Variants in CCDC146 observed in about 807,000 individuals in gnomAD.
CCDC146 encodes the protein coiled-coil domain containing 146, also known as coiled-coil domain-containing protein 146.
In CCDC146, 92 loss-of-function variants were observed where a neutral mutation model predicts 119.3. The observed-to-expected ratio is 0.77, with a 90% CI of 0.65 to 0.92. CCDC146 has a LOEUF of 0.92. Among genes scored for constraint, CCDC146 ranks in the 40% least tolerant of loss-of-function variants. The pLI is 0.00. For synonymous variants in CCDC146, 372 were observed against 371.8 expected (o/e 1.00, Z -0.01); for missense variants, 1,000 against 1,103.0 (o/e 0.91, Z 1.32).
At chr7:77,203,798 G>C (rs896150232) in intron 2 of CCDC146, among the ~76,000 whole-genome samples, 1 of 152,128 alleles carries the variant, frequency 6.6e-6, no homozygotes, top group African/African-American at 2.4e-5. Context: ...CTCACTTACA[G>C]ACTTGTTTTT....
intron 2 of CCDC146, among the ~76,000 whole-genome samples, chr7:77,235,649 G>A (rs925226259): frequency 6.6e-6 from 1 of 152,154 alleles, no homozygotes; most frequent in Non-Finnish European, 1.5e-5. Flanking sequence ...ACATAACCTT[G>A]TCTGATTTTT....
chr7:77,294,727 C>G lies in CCDC146; in HGVS notation c.2729C>G (p.Pro910Arg). The change falls in exon 19 of 19, where the codon CCG becomes CGG. Residue 910 changes from proline (P) to arginine (R), a missense_variant. By Grantham distance (103) the Pro-to-Arg change is moderately radical (BLOSUM62 -2). Around this residue, in one of 2 missense-constraint regions of CCDC146, gnomAD observed 985 missense variants for 1,045.3 expected, o/e 0.94. Coordinates refer to ENST00000285871, the MANE Select transcript of CCDC146 (RefSeq NM_020879.3). ...GTTTACACAACTGCAGAGCAGCGTC[C>G]GAATGCCTACATCCCAGAAGCAGAT... Reference protein sequence around the residue: ...NGVYTTAEQRPNAYIPEADAT... With the variant: ...NGVYTTAEQRRNAYIPEADAT... The G allele has an allele frequency of 6.2e-7, 1 of 1,614,122 alleles. No individual in the cohort carries two copies. The highest frequency in any genetic ancestry group is 8.5e-7 in the Non-Finnish European group (1 of 1,180,006).
chr7:77,237,983 C>T (rs147123615), intron 3 of CCDC146, among the ~76,000 whole-genome samples: 139 of 152,308 alleles, frequency 9.1e-4, no homozygotes, highest in African/African-American at 2.7e-3. Context: ...ATCCTCTCCC[C>T]GCAATTCCCA....
intron 4 of CCDC146, among the ~76,000 whole-genome samples, chr7:77,247,181 TAA>T (rs1218663893): frequency 1.3e-5 from 2 of 152,134 alleles, no homozygotes; most frequent in African/African-American, 2.4e-5. Flanking sequence ...TTAGAGGAAA[TAA>T]GTCAGTATTT....
chr7:77,196,716 T>A lies in CCDC146; in HGVS notation c.156+28892T>A. ...TCTATTCTCAGAATCATTTCCTTAC[T>A]CTTGGTCAGAAGATGAATTTTATCG... On this transcript the variant is annotated intron_variant, in intron 2 of 18. Transcript: ENST00000285871. The surrounding 1 kb of genome is among the most constrained non-coding windows in gnomAD (Gnocchi z 4.2). 1 of 1,614,178 alleles carries A rather than the reference T, an allele frequency of 6.2e-7. No homozygotes were observed. The highest frequency in any genetic ancestry group is 8.5e-7 in the Non-Finnish European group (1 of 1,179,998).
intron 2 of CCDC146, among the ~76,000 whole-genome samples, chr7:77,205,080 GCTT>G (rs750277072): frequency 4.6e-5 from 7 of 152,176 alleles, no homozygotes; most frequent in African/African-American, 4.8e-5. Flanking sequence ...TTGATCTTAA[GCTT>G]CTTCTTATAA....
At chr7:77,269,676 C>T (rs932045290) in intron 9 of CCDC146, among the ~76,000 whole-genome samples, 6 of 152,146 alleles carry the variant, frequency 3.9e-5, no homozygotes, top group African/African-American at 1.4e-4. Flanking sequence ...GCTATTAAGT[C>T]CACAAAATAG....
At chr7:77,214,546 A>G (rs1211745358) in intron 2 of CCDC146, among the ~76,000 whole-genome samples, 2 of 152,070 alleles carry the variant, frequency 1.3e-5, no homozygotes, top group South Asian at 2.1e-4. Context: ...GTTTTCTTTT[A>G]GGATTTATAT....
chr7:77,266,916 G>A (rs1562854702), intron 9 of CCDC146, among the ~76,000 whole-genome samples: 1 of 151,858 alleles, frequency 6.6e-6, no homozygotes, highest in Non-Finnish European at 1.5e-5. Flanking sequence ...TACTCTAAAA[G>A]CAAACAGGTT....
intron 1 of CCDC146, among the ~76,000 whole-genome samples, chr7:77,140,816 G>GTTGATATATTGATATCAATA (rs1790921756): frequency 6.6e-6 from 1 of 151,976 alleles, no homozygotes; most frequent in Non-Finnish European, 1.5e-5. Context: ...TAGTAGACAC[G>GTTGATATATTGATATCAATA]TTGATATATT....
intron 2 of CCDC146, among the ~76,000 whole-genome samples, chr7:77,215,790 A>T (rs1484475746): frequency 2.0e-5 from 3 of 152,134 alleles, no homozygotes; most frequent in African/African-American, 4.8e-5. Context: ...ATTATAAAAA[A>T]AATAGTTGCA....
At chr7:77,143,942 G>A (rs1380924072) in intron 1 of CCDC146, among the ~76,000 whole-genome samples, 3 of 151,612 alleles carry the variant, frequency 2.0e-5, no homozygotes, top group Non-Finnish European at 4.4e-5. Flanking sequence ...GTTTTTTCCA[G>A]TTCCGTGAAG....
At chr7:77,167,330 A>C (rs1184664826) in intron 1 of CCDC146, among the ~76,000 whole-genome samples, 6 of 152,142 alleles carry the variant, frequency 3.9e-5, no homozygotes, top group African/African-American at 1.2e-4. Context: ...TTCTTGTTTC[A>C]TAAATGTCTA....
chr7:77,156,304 T>C (rs1283414194), intron 1 of CCDC146, among the ~76,000 whole-genome samples: 2 of 152,248 alleles, frequency 1.3e-5, no homozygotes, highest in African/African-American at 4.8e-5. Context: ...ACCCCATTGT[T>C]ACTTTAACAC....
intron 2 of CCDC146, among the ~76,000 whole-genome samples, chr7:77,226,163 G>T (rs1792509549): frequency 6.6e-6 from 1 of 152,212 alleles, no homozygotes; most frequent in Non-Finnish European, 1.5e-5. Flanking sequence ...AGAGCTCAAT[G>T]CATTTGGAAA....
At chr7:77,240,973 T>G (rs1241973514) in intron 3 of CCDC146, among the ~76,000 whole-genome samples, 4 of 145,536 alleles carry the variant, frequency 2.7e-5, no homozygotes, top group African/African-American at 5.1e-5. Flanking sequence ...ACATTTTTTG[T>G]TTTTTTTTGT....
At chr7:77,228,979 C>T (rs763137259) in intron 2 of CCDC146, among the ~76,000 whole-genome samples, 10 of 152,202 alleles carry the variant, frequency 6.6e-5, no homozygotes, top group Non-Finnish European at 1.3e-4. Flanking sequence ...AGCTATTTTT[C>T]CTAATGCTCT....
intron 2 of CCDC146, among the ~76,000 whole-genome samples, chr7:77,221,349 A>T (rs1792399574): frequency 6.6e-6 from 1 of 152,256 alleles, no homozygotes; most frequent in Non-Finnish European, 1.5e-5. Context: ...TCCAAACTGT[A>T]TAGCAAGTGT....
At chr7:77,257,864 G>A (rs1793210322) in intron 6 of CCDC146, 1 of 152,262 alleles carries the variant, frequency 6.6e-6, no homozygotes, top group Non-Finnish European at 1.5e-5. Context: ...GGGAGGTGCG[G>A]TGTTAGACAA....
Sources: gnomAD v4.1 joint callset for allele counts (sites outside exome capture counted in the v4.1 genomes callset) on GRCh38, gnomAD v4.1.1 for gene constraint, gnomAD v4.1.1 regional missense constraint, Gnocchi (gnomAD v3.1) non-coding constraint, MANE v1.5 for transcripts, NCBI Gene and HGNC (gene_info 2026-07-23, HGNC 2026-07-21) for gene names.